ADGRA3: variants seen among roughly 807,000 people sequenced by gnomAD.
ADGRA3 encodes the protein G-protein coupled receptor 125.
ADGRA3 carries 56 observed loss-of-function variants against 119.8 expected under a neutral mutation model. The ratio of observed to expected loss-of-function variants is 0.47; its 90% CI spans 0.38 to 0.58. ADGRA3 has a LOEUF of 0.58. ADGRA3 is among the 20% of genes least tolerant of loss of function. The pLI is 0.00. For synonymous variants in ADGRA3, 607 were observed against 623.8 expected (o/e 0.97, Z 0.40); for missense variants, 1,516 against 1,649.0 (o/e 0.92, Z 1.40).
rs539889846 is a variant in ADGRA3 at position 22,432,955 on chromosome 4, G to A, written c.1443+2356C>T. Among the ~76,000 whole-genome samples the A allele has an allele frequency of 4.6e-5, 7 of 152,218 alleles. No homozygotes were observed. In the South Asian group the frequency reaches 1.2e-3, roughly 27 times the overall value. ...CTCTATCTAAGCTAGGTGCATTTTA[G>A]GATAACTTGGCATAATTTTATGCTG... On this transcript the variant is annotated intron_variant, in intron 10 of 18. Coordinates refer to ENST00000334304, the MANE Select transcript of ADGRA3 (RefSeq NM_145290.4).
chr4:22,441,163 G>A (rs1461336501), intron 7 of ADGRA3, among the ~76,000 whole-genome samples: 12 of 152,038 alleles, frequency 7.9e-5, no homozygotes, highest in Admixed American at 4.6e-4. Context: ...CAATCTTATT[G>A]GCTTAAAAAA....
intron 1 of ADGRA3, among the ~76,000 whole-genome samples, chr4:22,495,841 G>A (rs1027690356): frequency 3.9e-5 from 6 of 151,992 alleles, no homozygotes; most frequent in South Asian, 2.1e-4. Context: ...CCCGAGAGGC[G>A]GAGCTTGCAG....
chr4:22,414,531 TGAA>T, intron 12 of ADGRA3: 1 of 665,584 alleles, frequency 1.5e-6, no homozygotes, highest in Non-Finnish European at 2.7e-6. Context: ...ATTCCATAGT[TGAA>T]GAATTTATTG....
Position 22,387,812 on chromosome 4 carries a change from T to C in ADGRA3, c.3859A>G (p.Ile1287Val), listed in dbSNP as rs369701146. 6 of 1,614,160 alleles carry C rather than the reference T, an allele frequency of 3.7e-6. No individual in the cohort carries two copies. The highest frequency in any genetic ancestry group is 2.5e-6 in the Non-Finnish European group (3 of 1,180,000). ...TTGCTTTTAATTGGTCCATTCTGAA[T>C]GGCCAAGTTGAGGCCATAAGATTTT... ...QQKSYGLNLA[I>V]QNGPIKSNGQ... The change falls in exon 19 of 19, where the codon ATT (isoleucine) becomes GTT (valine). Residue 1287 changes from isoleucine (I) to valine (V), a missense_variant. Physicochemically the swap from Ile to Val is conservative, Grantham distance 29. Transcript: ENST00000334304.
intron 1 of ADGRA3, among the ~76,000 whole-genome samples, chr4:22,506,152 C>T (rs7684229): frequency 0.057 from 8,666 of 152,172 alleles, 482 homozygotes; most frequent in African/African-American, 0.14. Context: ...GGGGGAGAAG[C>T]AGGAAGGTGC....
chr4:22,515,460 C>G, intron 1 of ADGRA3, 68 bp downstream of exon 1: 1 of 1,558,074 alleles, frequency 6.4e-7, no homozygotes, highest in Non-Finnish European at 8.7e-7. Flanking sequence ...GGACCCTGCT[C>G]CAAAGTTGAG....
At chr4:22,434,266 T>C (rs1038330661) in intron 10 of ADGRA3, among the ~76,000 whole-genome samples, 2 of 150,036 alleles carry the variant, frequency 1.3e-5, no homozygotes, top group African/African-American at 4.9e-5. Flanking sequence ...TATAAAAATA[T>C]ATTAGAATGA....
At chr4:22,476,743 T>G (rs1718058964) in intron 1 of ADGRA3, among the ~76,000 whole-genome samples, 1 of 151,960 alleles carries the variant, frequency 6.6e-6, no homozygotes, top group South Asian at 2.1e-4. Flanking sequence ...CTCAATTCAC[T>G]ACAATCTACG....
At chr4:22,439,865 C>CA (rs753929944) in intron 7 of ADGRA3, among the ~76,000 whole-genome samples, 19 of 152,000 alleles carry the variant, frequency 1.3e-4, no homozygotes, top group Non-Finnish European at 2.1e-4. Context: ...CACCCCAGCT[C>CA]AAAAAAATAC....
At chr4:22,498,771 A>G (rs1278667368) in intron 1 of ADGRA3, among the ~76,000 whole-genome samples, 4 of 151,934 alleles carry the variant, frequency 2.6e-5, no homozygotes, top group African/African-American at 9.7e-5. Flanking sequence ...AAAATTAGCC[A>G]GGCGTGGTGG....
intron 8 of ADGRA3, among the ~76,000 whole-genome samples, chr4:22,438,039 T>G (rs1462809901): frequency 1.3e-5 from 2 of 152,220 alleles, no homozygotes; most frequent in African/African-American, 4.8e-5. Flanking sequence ...GACTCTACTT[T>G]CAGAGATTCT....
chr4:22,506,811 T>C (rs1254199264), intron 1 of ADGRA3, among the ~76,000 whole-genome samples: 1 of 152,140 alleles, frequency 6.6e-6, no homozygotes, highest in South Asian at 2.1e-4. Flanking sequence ...CAGACTAAAA[T>C]TGTGTGTATT....
intron 10 of ADGRA3, among the ~76,000 whole-genome samples, chr4:22,426,769 A>T (rs150933085): frequency 6.6e-5 from 10 of 152,340 alleles, no homozygotes; most frequent in African/African-American, 9.6e-5. Flanking sequence ...TATTAACAAG[A>T]TCAAATGACA....
chr4:22,394,058 C>G (rs1047272147), intron 16 of ADGRA3: 9 of 152,044 alleles, frequency 5.9e-5, no homozygotes, highest in African/African-American at 2.2e-4. Context: ...ACTGGAGTAT[C>G]AAGGACATAA....
At chr4:22,450,568 G>T (rs1382629307) in intron 4 of ADGRA3, among the ~76,000 whole-genome samples, 2 of 151,992 alleles carry the variant, frequency 1.3e-5, no homozygotes, top group East Asian at 3.9e-4. Context: ...CCCAGCCATT[G>T]TTGTTTCTTA....
At position 22,424,193 on chromosome 4, in the gene ADGRA3, T is replaced by C. The variant is rs368578310; in HGVS notation, c.1603A>G (p.Thr535Ala). The C allele has an allele frequency of 4.4e-6, 7 of 1,608,386 alleles. No individual in the cohort carries two copies. Among genetic ancestry groups the C allele is most frequent in the African/African-American group, 1.3e-5 (1 of 74,828 alleles). The part of the protein sequence containing the change: ...RLAGGAHVYS[T>A]YSPNIALEAY... Reference sequence around the variant, plus strand: ...GTCTATGATAATGTTACACTTACTGTTGAATAAACGTGAGCTCCACCGGCT... The same window carrying C: ...GTCTATGATAATGTTACACTTACTGCTGAATAAACGTGAGCTCCACCGGCT... Residue 535 changes from threonine to alanine, a missense_variant and splice_region_variant, in exon 11 of 19, where the codon ACA becomes GCA. This residue lies in a region of ADGRA3 where 1,088 missense variants were observed against 1,107.1 expected (regional missense o/e 0.98). Transcript: ENST00000334304.
At chr4:22,467,386 A>T (rs1717698971) in intron 2 of ADGRA3, among the ~76,000 whole-genome samples, 1 of 152,200 alleles carries the variant, frequency 6.6e-6, no homozygotes, top group South Asian at 2.1e-4. Flanking sequence ...ACAAGATAAG[A>T]TTATTTTATG....
chr4:22,406,606 T>A (rs1714938632), intron 14 of ADGRA3, among the ~76,000 whole-genome samples: 1 of 152,202 alleles, frequency 6.6e-6, no homozygotes, highest in Admixed American at 6.5e-5. Context: ...TATGTCTTCT[T>A]TTCAGAGTAT....
chr4:22,453,058 C>T (rs192888399), intron 4 of ADGRA3, among the ~76,000 whole-genome samples: 14 of 151,652 alleles, frequency 9.2e-5, no homozygotes, highest in Admixed American at 2.6e-4. Flanking sequence ...AAAAATTAGC[C>T]GGGCGTGGTG....
Sources: allele counts gnomAD v4.1 joint callset (sites outside exome capture counted in the v4.1 genomes callset), GRCh38; gene constraint gnomAD v4.1.1; regional missense constraint gnomAD v4.1.1; transcripts MANE v1.5; gene names NCBI Gene and HGNC (gene_info 2026-07-23, HGNC 2026-07-21).